PSORS1C1: variants seen among roughly 807,000 people sequenced by gnomAD.
The protein encoded by PSORS1C1 is psoriasis susceptibility 1 candidate gene 1 protein.
Under a neutral mutation model 9.4 loss-of-function variants are expected in PSORS1C1, and 7 were observed. That is an observed-to-expected ratio of 0.75 (90% confidence interval 0.42 to 1.40). The LOEUF is 1.40. Among genes scored for constraint, PSORS1C1 ranks in the 40% most tolerant of loss-of-function variants. The probability of loss-of-function intolerance (pLI) is 0.01; values close to 1 mark genes in which losing one functional copy is unlikely to be tolerated. For synonymous variants in PSORS1C1, 63 were observed against 69.4 expected (o/e 0.91, Z 0.46); for missense variants, 146 against 178.1 (o/e 0.82, Z 1.02).
At position 31,139,164 on chromosome 6, in the gene PSORS1C1, C is replaced by T. The variant is rs1773321340; in HGVS notation, c.167+385C>T. ...CCATCAGAACAGAACTGGTCAAACC[C>T]GTTGGGAAGGCCTGGGCTGATGTGT... On this transcript the variant is annotated intron_variant, in intron 5 of 5. Transcript: ENST00000259881. The surrounding 1 kb of genome is among the most constrained non-coding windows in gnomAD (Gnocchi z 5.2). 3 of 687,786 alleles carry T rather than the reference C, an allele frequency of 4.4e-6. No individual in the cohort carries two copies. Among genetic ancestry groups the T allele is most frequent in the Admixed American group, 5.3e-5 (2 of 37,878 alleles). 42.6% of individuals were successfully genotyped at this position (687,786 alleles called of 1,614,324 possible). A position where few individuals can be genotyped will look rare whatever the true frequency, so the allele number is the denominator to read the frequency against.
chr6:31,138,082 G>T (rs753976063), intron 3 of PSORS1C1: 1 of 1,556,514 alleles, frequency 6.4e-7, no homozygotes, highest in South Asian at 1.2e-5. Context: ...GGCCGGGGAG[G>T]TTGAGGAGGA....
chr6:31,115,758 T>G lies in PSORS1C1; in HGVS notation c.-229+867T>G, dbSNP rs1772075378. On this transcript the variant is annotated intron_variant, in intron 1 of 5. Coordinates refer to ENST00000259881, the MANE Select transcript of PSORS1C1 (RefSeq NM_014068.3). The surrounding 1 kb of genome is among the most constrained non-coding windows in gnomAD (Gnocchi z 4.2). ...GAATTGTAAGGGGTGGTGATCTGGC[T>G]GAGGGGCACTGTGGTGGAATGGGAA... 1.9e-6 allele frequency: 1 copy of G among 536,776 alleles called. No homozygotes were observed. The highest frequency in any genetic ancestry group is 3.3e-6 in the Non-Finnish European group (1 of 302,348). The allele number at this position is 536,776 out of a possible 1,614,324, so 33.3% of individuals were successfully genotyped here.
At chr6:31,131,895 T>G (rs1444861708) in intron 3 of PSORS1C1, among the ~76,000 whole-genome samples, 2 of 152,200 alleles carry the variant, frequency 1.3e-5, no homozygotes, top group Non-Finnish European at 2.9e-5. Context: ...GCATCCTAGG[T>G]TGGATTCCCC....
At chr6:31,130,420 T>TGG (rs1370259856) in intron 3 of PSORS1C1, among the ~76,000 whole-genome samples, 1 of 93,230 alleles carries the variant, frequency 1.1e-5, no homozygotes, top group Non-Finnish European at 2.1e-5. Context: ...ATTGTTTGTT[T>TGG]TTTTTTTTTG....
At chr6:31,114,935 G>A in intron 1 of PSORS1C1, 44 bp downstream of exon 1, 1 of 449,946 alleles carries the variant, frequency 2.2e-6, no homozygotes, top group South Asian at 1.6e-5. Flanking sequence ...TGGGTGGGGA[G>A]GGGAGGGGAG....
chr6:31,120,526 A>C, intron 1 of PSORS1C1: 1 of 1,013,178 alleles, frequency 9.9e-7, no homozygotes, highest in Non-Finnish European at 1.5e-6. Flanking sequence ...AGAGGAGGAG[A>C]GGTGGAGGGG....
chr6:31,138,701 A>T lies in PSORS1C1; in HGVS notation c.89A>T (p.Asp30Val). Residue 30 changes from aspartate (D) to valine (V), a missense_variant, in exon 5 of 6, where the codon GAT becomes GTT. By Grantham distance (152) the Asp-to-Val change is radical. Coordinates refer to ENST00000259881, the MANE Select transcript of PSORS1C1 (RefSeq NM_014068.3). ...ALQGPQLLNT[D>V]PSSEETRPPH... ...CAAGGACCCCAGCTCCTTAACACAG[A>T]TCCCAGCTCCGAGGAAACTCGTCCC... 5 of 1,610,888 alleles carry T rather than the reference A, an allele frequency of 3.1e-6. No homozygotes were observed. The highest frequency in any genetic ancestry group is 4.2e-6 in the Non-Finnish European group (5 of 1,179,268).
rs3095318 is a variant in PSORS1C1 at position 31,120,368 on chromosome 6, T to A, written c.-228-5308T>A. ...AGGAGACCAGCCAGCAGCAGTGCCA[T>A]CATCCCGTGCCCACCCACACGCCCC... is the stretch of plus-strand genomic sequence containing the variant. On this transcript the variant is annotated intron_variant, in intron 1 of 5. Transcript: ENST00000259881. 336,619 of 1,592,424 alleles carry A rather than the reference T, an allele frequency of 0.21. 40,768 individuals carry two copies. Among genetic ancestry groups the A allele is most frequent in the Non-Finnish European group, 0.25 (290,518 of 1,170,060 alleles).
Position 31,115,795 on chromosome 6 carries a change from G to T in PSORS1C1, c.-229+904G>T. 3.5e-6 allele frequency: 2 copies of T among 575,830 alleles called. No individual in the cohort carries two copies. 35.7% of individuals were successfully genotyped at this position (575,830 alleles called of 1,614,324 possible). A position where few individuals can be genotyped will look rare whatever the true frequency, so the allele number is the denominator to read the frequency against. On this transcript the variant is annotated intron_variant, in intron 1 of 5. Coordinates refer to ENST00000259881, the MANE Select transcript of PSORS1C1 (RefSeq NM_014068.3). The surrounding 1 kb of genome is among the most constrained non-coding windows in gnomAD (Gnocchi z 4.2). Reference sequence around the variant, plus strand: ...TGGTGGAATGGGAATTTAAACAGTAGGAGAGAATCAAGAGAGGAGCTTTGA... The same window carrying T: ...TGGTGGAATGGGAATTTAAACAGTATGAGAGAATCAAGAGAGGAGCTTTGA...
chr6:31,116,983 AC>A, intron 1 of PSORS1C1: 1 of 1,614,170 alleles, frequency 6.2e-7, no homozygotes, highest in Non-Finnish European at 8.5e-7. Context: ...GTTGGAGCTG[AC>A]GCTTTGGCCA....
At chr6:31,118,019 G>A (rs1457092353) in intron 1 of PSORS1C1, 1 of 164,364 alleles carries the variant, frequency 6.1e-6, no homozygotes, top group Non-Finnish European at 1.3e-5. Flanking sequence ...GGACCCTGAA[G>A]AGACAGAGAA....
intron 1 of PSORS1C1, among the ~76,000 whole-genome samples, chr6:31,125,278 A>G (rs1027546222): frequency 1.3e-5 from 2 of 151,942 alleles, no homozygotes; most frequent in African/African-American, 4.8e-5. Flanking sequence ...GCTTGGCTCC[A>G]GCGAGAGGCC....
intron 1 of PSORS1C1, chr6:31,120,274 G>A (rs1263505429): frequency 2.6e-5 from 34 of 1,310,726 alleles, no homozygotes; most frequent in Non-Finnish European, 3.6e-5. Context: ...CCCTTCGCTG[G>A]GTCCTCTCCC....
chr6:31,129,678 C>T (rs1772822752), intron 3 of PSORS1C1, 33 bp downstream of exon 3: 2 of 779,506 alleles, frequency 2.6e-6, no homozygotes. Flanking sequence ...GGTTCCTCTT[C>T]TGTGAAATGG....
Position 31,139,245 on chromosome 6 carries a change from T to C in PSORS1C1, c.168-396T>C, listed in dbSNP as rs2150980176. 3 of 588,376 alleles carry C rather than the reference T, an allele frequency of 5.1e-6. No individual in the cohort carries two copies. The highest frequency in any genetic ancestry group is 1.9e-5 in the African/African-American group (1 of 53,796). The allele number at this position is 588,376 out of a possible 1,614,324, so 36.4% of individuals were successfully genotyped here. A position where few individuals can be genotyped will look rare whatever the true frequency, so the allele number is the denominator to read the frequency against. On this transcript the variant is annotated intron_variant, in intron 5 of 5. Transcript: ENST00000259881. The surrounding 1 kb of genome is among the most constrained non-coding windows in gnomAD (Gnocchi z 5.2). ...TCCTCCAGCCCAGGACCCAGCTGCC[T>C]GCTCTCCCTATCATGACCCAGAGCC...
chr6:31,120,820 A>C (rs1414208293), intron 1 of PSORS1C1, among the ~76,000 whole-genome samples: 1 of 151,878 alleles, frequency 6.6e-6, no homozygotes, highest in African/African-American at 2.4e-5. Flanking sequence ...CTGTCTCTCC[A>C]TCTGCCCTCC....
chr6:31,130,417 GTTT>G (rs9278987), intron 3 of PSORS1C1, among the ~76,000 whole-genome samples: 4 of 146,866 alleles, frequency 2.7e-5, no homozygotes, highest in Admixed American at 6.8e-5. Context: ...CTAATTGTTT[GTTT>G]TTTTTTTTTG....
Position 31,128,349 on chromosome 6 carries a change from A to C in PSORS1C1, c.-64-1220A>C, listed in dbSNP as rs1013760112. The stretch of plus-strand genomic sequence containing the variant: ...CCGCTACCTTGGCTCTCAGCATTGC[A>C]CGGGAGTTTAGAGGTTATTAAAGAA... On this transcript the variant is annotated intron_variant, in intron 2 of 5. Coordinates refer to ENST00000259881, the MANE Select transcript of PSORS1C1 (RefSeq NM_014068.3). This position sits in a 1 kb window ranked among gnomAD's most constrained non-coding sequence, Gnocchi z 4.3. 6.6e-6 allele frequency among the ~76,000 whole-genome samples: 1 copy of C among 152,172 alleles called. No individual in the cohort carries two copies. The highest frequency in any genetic ancestry group is 2.4e-5 in the African/African-American group (1 of 41,440).
intron 1 of PSORS1C1, among the ~76,000 whole-genome samples, chr6:31,124,967 C>A (rs200843316): frequency 2.7e-5 from 4 of 149,046 alleles, no homozygotes; most frequent in South Asian, 2.1e-4. Flanking sequence ...GACTCCGTCT[C>A]AAAAAAAAAA....
Sources: gnomAD v4.1 joint callset for allele counts (sites outside exome capture counted in the v4.1 genomes callset) on GRCh38, gnomAD v4.1.1 for gene constraint, Gnocchi (gnomAD v3.1) non-coding constraint, MANE v1.5 for transcripts, NCBI Gene and HGNC (gene_info 2026-07-23, HGNC 2026-07-21) for gene names.